Variants in RERE observed in about 807,000 individuals in gnomAD.
RERE encodes arginine-glutamic acid dipeptide repeats, also known as arginine-glutamic acid dipeptide repeats protein.
RERE carries 40 observed loss-of-function variants against 146.1 expected under a neutral mutation model. The ratio of observed to expected loss-of-function variants is 0.27; its 90% CI spans 0.21 to 0.36. The LOEUF is 0.36. Ranked by LOEUF, RERE falls within the 10% of genes least tolerant of loss-of-function variation. The pLI, the probability that RERE is intolerant of heterozygous loss-of-function variation, is 1.00. For missense variants in RERE, 1,933 were observed against 2,138.7 expected, an observed-to-expected ratio of 0.90 and a Z score of 1.90; for synonymous variants, 1,003 against 866.0, an observed-to-expected ratio of 1.16 and a Z score of -2.78.
At chr1:8,804,678 C>T (rs1343862194) in intron 1 of RERE, among the ~76,000 whole-genome samples, 1 of 152,154 alleles carries the variant, frequency 6.6e-6, no homozygotes, top group Non-Finnish European at 1.5e-5. Context: ...GGAGTGTGCC[C>T]AGCTTTTGCC....
chr1:8,514,433 T>TA (rs760713863), intron 7 of RERE, among the ~76,000 whole-genome samples: 15 of 152,182 alleles, frequency 9.9e-5, no homozygotes, highest in Non-Finnish European at 7.3e-5. Context: ...GTCTTGGGAT[T>TA]AAAAAATACT....
At chr1:8,728,952 G>A (rs1319557078) in intron 1 of RERE, among the ~76,000 whole-genome samples, 1 of 152,092 alleles carries the variant, frequency 6.6e-6, no homozygotes, top group African/African-American at 2.4e-5. Context: ...GATCATCCGA[G>A]GTCGGGAGTT....
At chr1:8,500,587 T>C (rs1308246650) in intron 8 of RERE, among the ~76,000 whole-genome samples, 2 of 152,202 alleles carry the variant, frequency 1.3e-5, no homozygotes, top group Admixed American at 6.5e-5. Context: ...CCGCCTGCCT[T>C]GGCCCCCCAA....
intron 2 of RERE, among the ~76,000 whole-genome samples, chr1:8,636,057 C>T (rs2124268088): frequency 6.6e-6 from 1 of 152,228 alleles, no homozygotes; most frequent in South Asian, 2.1e-4. Context: ...GGCGCGATCT[C>T]AGCTCACCGC....
intron 11 of RERE, among the ~76,000 whole-genome samples, chr1:8,446,697 TAG>T (rs1028868390): frequency 1.3e-5 from 2 of 152,142 alleles, no homozygotes; most frequent in African/African-American, 4.8e-5. Flanking sequence ...TTCTTTTTTT[TAG>T]AGTCTCGCTC....
chr1:8,737,382 G>A (rs1014075408), intron 1 of RERE, among the ~76,000 whole-genome samples: 11 of 152,154 alleles, frequency 7.2e-5, no homozygotes, highest in East Asian at 3.8e-4. Flanking sequence ...TAATTGCCAC[G>A]TTTTCCCTCC....
At chr1:8,545,983 TTTTTTTTTTTTTTTTTTTTTTTTTGA>T (rs1187724632) in intron 6 of RERE, among the ~76,000 whole-genome samples, 1 of 28,424 alleles carries the variant, frequency 3.5e-5, no homozygotes, top group African/African-American at 1.3e-4. Context: ...ATACCCAGTC[TTTTTTTTTTTTTTTTTTTTTTTTTGA>T]GATAGGGTCT....
rs761933541 is a variant in RERE, at chr1:8,756,342, C to T, written c.-145+60818G>A. On this transcript the variant is annotated intron_variant, in intron 1 of 22. Coordinates refer to ENST00000400908, the MANE Select transcript of RERE (RefSeq NM_001042681.2). The stretch of plus-strand genomic sequence containing the variant: ...CTGAACTGCAATATTCAAATTATTG[C>T]ATTTTTATTACATTGCTTTGAAGGA... Among the ~76,000 whole-genome samples, 45 of 152,132 alleles carry T rather than the reference C, an allele frequency of 3.0e-4. 1 individual carries two copies. The highest frequency in any genetic ancestry group is 5.7e-4 in the Non-Finnish European group (39 of 68,022).
At chr1:8,729,774 A>G (rs1640045624) in intron 1 of RERE, among the ~76,000 whole-genome samples, 1 of 152,162 alleles carries the variant, frequency 6.6e-6, no homozygotes, top group East Asian at 1.9e-4. Flanking sequence ...ACTGCTATCC[A>G]CCCTATACTA....
intron 1 of RERE, among the ~76,000 whole-genome samples, chr1:8,777,768 C>G (rs1641094535): frequency 6.6e-6 from 1 of 151,768 alleles, no homozygotes; most frequent in Non-Finnish European, 1.5e-5. Flanking sequence ...ATCTCCTGAC[C>G]TCGTGATCCA....
At chr1:8,457,202 C>T (rs1207614346) in intron 11 of RERE, among the ~76,000 whole-genome samples, 2 of 152,202 alleles carry the variant, frequency 1.3e-5, no homozygotes, top group East Asian at 1.9e-4. Flanking sequence ...AGAGCCAAAC[C>T]GACACCAAAC....
At chr1:8,371,746 G>C (rs1570073970) in intron 12 of RERE, among the ~76,000 whole-genome samples, 1 of 152,248 alleles carries the variant, frequency 6.6e-6, no homozygotes. Flanking sequence ...ATCTGGGCTG[G>C]AGCAACAGGG....
rs149116803 is a variant in RERE, at chr1:8,506,790, T to G, written c.879+1837A>C. 2.1e-4 allele frequency among the ~76,000 whole-genome samples: 32 copies of G among 152,326 alleles called. No individual in the cohort carries two copies. In the East Asian group the frequency reaches 3.7e-3, roughly 17 times the overall value. ...TCCAATTCTTTCTTCCTCTCAACAC[T>G]TGCTAAATTTCATTCATTGTAAGAT... On this transcript the variant is annotated intron_variant, in intron 8 of 22. Coordinates refer to ENST00000400908, the MANE Select transcript of RERE (RefSeq NM_001042681.2).
At chr1:8,503,904 T>C (rs1228690513) in intron 8 of RERE, among the ~76,000 whole-genome samples, 7 of 152,174 alleles carry the variant, frequency 4.6e-5, no homozygotes, top group Non-Finnish European at 5.9e-5. Context: ...GTTATATGTG[T>C]ATTATGGAAT....
At chr1:8,557,120 G>A (rs972173508) in intron 5 of RERE, among the ~76,000 whole-genome samples, 23 of 151,952 alleles carry the variant, frequency 1.5e-4, no homozygotes, top group African/African-American at 4.8e-5. Context: ...GAGAAAAGTG[G>A]AGCAGGATCA....
At chr1:8,721,260 G>A (rs1174721081) in intron 1 of RERE, among the ~76,000 whole-genome samples, 1 of 152,126 alleles carries the variant, frequency 6.6e-6, no homozygotes, top group African/African-American at 2.4e-5. Flanking sequence ...CAAGATCTCA[G>A]GAAATGGAAG....
intron 11 of RERE, among the ~76,000 whole-genome samples, chr1:8,427,284 A>G (rs914498439): frequency 2.6e-5 from 4 of 151,752 alleles, no homozygotes; most frequent in Non-Finnish European, 5.9e-5. Context: ...ATGATGCCAA[A>G]CTCTCCTAGT....
intron 4 of RERE, among the ~76,000 whole-genome samples, chr1:8,590,122 G>C (rs1646475195): frequency 6.6e-6 from 1 of 152,122 alleles, no homozygotes; most frequent in African/African-American, 2.4e-5. Flanking sequence ...ATCCATCTGA[G>C]AGCTGGCCAG....
At chr1:8,519,808 G>A (rs1027292550) in intron 7 of RERE, 2 of 151,994 alleles carry the variant, frequency 1.3e-5, no homozygotes, top group Admixed American at 1.3e-4. Flanking sequence ...AGTACATGCG[G>A]GTAAGAACTA....
Sources: gnomAD v4.1 joint callset for allele counts (sites outside exome capture counted in the v4.1 genomes callset) on GRCh38, gnomAD v4.1.1 for gene constraint, MANE v1.5 for transcripts, NCBI Gene and HGNC (gene_info 2026-07-23, HGNC 2026-07-21) for gene names.